BIRC6: variants seen among roughly 807,000 people sequenced by gnomAD.
BIRC6 encodes baculoviral IAP repeat containing 6, also known as dual E2 ubiquitin-conjugating enzyme/E3 ubiquitin-protein ligase BIRC6.
In BIRC6, 98 loss-of-function variants were observed where a neutral mutation model predicts 503.3. The observed-to-expected ratio is 0.19, with a 90% CI of 0.17 to 0.23. BIRC6 has a LOEUF of 0.23. Ranked by LOEUF, BIRC6 falls within the 10% of genes least tolerant of loss-of-function variation. The probability of loss-of-function intolerance (pLI) is 1.00; values close to 1 mark genes in which losing one functional copy is unlikely to be tolerated. For synonymous variants in BIRC6, 2,240 were observed against 2,078.7 expected (o/e 1.08, Z -2.11); for missense variants, 5,360 against 5,806.0 (o/e 0.92, Z 2.50).
chr2:32,481,900 A>T (rs879438729), intron 38 of BIRC6, among the ~76,000 whole-genome samples: 48 of 152,258 alleles, frequency 3.2e-4, no homozygotes, highest in Admixed American at 5.9e-4. Context: ...TTTCAAAATG[A>T]AATTGCTATA....
At chr2:32,421,483 G>T (rs1006202721) in intron 10 of BIRC6, among the ~76,000 whole-genome samples, 1 of 152,046 alleles carries the variant, frequency 6.6e-6, no homozygotes, top group Admixed American at 6.6e-5. Flanking sequence ...AAATATTTTT[G>T]GAAGCACTGT....
At chr2:32,539,997 C>G (rs966150813) in intron 61 of BIRC6, among the ~76,000 whole-genome samples, 4 of 151,938 alleles carry the variant, frequency 2.6e-5, no homozygotes, top group Non-Finnish European at 5.9e-5. Context: ...AAATAAGGTA[C>G]TATTATAACC....
At chr2:32,451,463 G>T (rs2046721743) in intron 22 of BIRC6, among the ~76,000 whole-genome samples, 2 of 152,260 alleles carry the variant, frequency 1.3e-5, no homozygotes, top group East Asian at 1.9e-4. Flanking sequence ...TTGTGAAAAA[G>T]CATGGTGTTA....
At chr2:32,377,065 A>T (rs2036894197) in intron 1 of BIRC6, among the ~76,000 whole-genome samples, 1 of 152,168 alleles carries the variant, frequency 6.6e-6, no homozygotes, top group African/African-American at 2.4e-5. Context: ...ATTCATTTTT[A>T]AAAGTTTTGT....
At chr2:32,446,320 C>T (rs147632249) in intron 21 of BIRC6, among the ~76,000 whole-genome samples, 381 of 152,270 alleles carry the variant, frequency 2.5e-3, no homozygotes, top group African/African-American at 8.5e-3. Flanking sequence ...CTTATTGTCC[C>T]ATAACTAGTA....
At chr2:32,456,171 G>C (rs2047240631) in intron 23 of BIRC6, among the ~76,000 whole-genome samples, 1 of 152,150 alleles carries the variant, frequency 6.6e-6, no homozygotes, top group Non-Finnish European at 1.5e-5. Context: ...TCCTTTTGGA[G>C]TAGTTACTTT....
intron 69 of BIRC6, 80 bp downstream of exon 69, chr2:32,598,048 AATACT>A: frequency 8.0e-7 from 1 of 1,244,736 alleles, no homozygotes; most frequent in Admixed American, 2.5e-5. Flanking sequence ...CAAAACTGGA[AATACT>A]ATACAAATAA....
At chr2:32,460,444 T>G (rs1033545686) in intron 23 of BIRC6, among the ~76,000 whole-genome samples, 1 of 151,052 alleles carries the variant, frequency 6.6e-6, no homozygotes. Flanking sequence ...ACCCAGCTAA[T>G]TTTTGTATTT....
chr2:32,410,161 G>T (rs921465524), intron 9 of BIRC6, among the ~76,000 whole-genome samples: 1 of 152,254 alleles, frequency 6.6e-6, no homozygotes, highest in East Asian at 1.9e-4. Context: ...AGATTAGAAA[G>T]AAAACATTTA....
At chr2:32,400,231 A>T (rs939366688) in intron 6 of BIRC6, among the ~76,000 whole-genome samples, 5 of 152,188 alleles carry the variant, frequency 3.3e-5, no homozygotes, top group African/African-American at 1.2e-4. Flanking sequence ...ATTTTATTTA[A>T]AAGTTATTTG....
At chr2:32,387,632 G>A (rs2038659449) in intron 3 of BIRC6, among the ~76,000 whole-genome samples, 1 of 152,136 alleles carries the variant, frequency 6.6e-6, no homozygotes, top group African/African-American at 2.4e-5. Flanking sequence ...GTTTTTAGTT[G>A]CTATTGCTGG....
intron 3 of BIRC6, among the ~76,000 whole-genome samples, chr2:32,381,866 A>AATTT (rs1315801462): frequency 6.6e-6 from 1 of 151,832 alleles, no homozygotes; most frequent in South Asian, 2.1e-4. Flanking sequence ...TTCACTCAAG[A>AATTT]ATTTGTCTTG....
At chr2:32,394,966 C>T (rs186241389) in intron 5 of BIRC6, among the ~76,000 whole-genome samples, 1,823 of 152,154 alleles carry the variant, frequency 0.012, 26 homozygotes, top group African/African-American at 0.042. Flanking sequence ...CTGGCTAACA[C>T]GGTGAAACCC....
chr2:32,528,644 A>G (rs1343238671), intron 59 of BIRC6: 1 of 152,228 alleles, frequency 6.6e-6, no homozygotes, highest in Non-Finnish European at 1.5e-5. Context: ...ACTGTTAAGT[A>G]CTTAATGTAT....
chr2:32,424,537 G>A (rs955394268), intron 10 of BIRC6, among the ~76,000 whole-genome samples: 11 of 149,092 alleles, frequency 7.4e-5, no homozygotes, highest in African/African-American at 2.7e-4. Context: ...TTTTTGAGAT[G>A]GAGTTTCACG....
chr2:32,418,758 A>C (rs1430980715), intron 10 of BIRC6, among the ~76,000 whole-genome samples: 1 of 152,186 alleles, frequency 6.6e-6, no homozygotes, highest in Non-Finnish European at 1.5e-5. Context: ...TACACCTTAA[A>C]TATTTAAGTT....
At chr2:32,578,312 C>T (rs2060403905) in intron 66 of BIRC6, among the ~76,000 whole-genome samples, 1 of 151,940 alleles carries the variant, frequency 6.6e-6, no homozygotes, top group African/African-American at 2.4e-5. Context: ...CAGAAAGTGG[C>T]CTTAGTTTAA....
At chr2:32,554,430 C>T (rs1303515753) in intron 65 of BIRC6, among the ~76,000 whole-genome samples, 2 of 152,094 alleles carry the variant, frequency 1.3e-5, no homozygotes, top group African/African-American at 4.8e-5. Flanking sequence ...GATTATTAAA[C>T]TCACTTATTT....
chr2:32,531,665 A>G (rs1342062682), intron 61 of BIRC6, 114 bp downstream of exon 61: 3 of 959,852 alleles, frequency 3.1e-6, no homozygotes, highest in African/African-American at 1.7e-5. Context: ...CCTTTGCTTT[A>G]TATTTTTTGA....
Sources: allele counts gnomAD v4.1 joint callset (sites outside exome capture counted in the v4.1 genomes callset), GRCh38; gene constraint gnomAD v4.1.1; transcripts MANE v1.5; gene names NCBI Gene and HGNC (gene_info 2026-07-23, HGNC 2026-07-21).